TLN2: variants seen among roughly 807,000 people sequenced by gnomAD.
The protein encoded by TLN2 is talin-2.
Under a neutral mutation model 294.7 loss-of-function variants are expected in TLN2, and 118 were observed. The ratio of observed to expected loss-of-function variants is 0.40; its 90% CI spans 0.34 to 0.47. TLN2 has a LOEUF of 0.47. TLN2 is among the 20% of genes least tolerant of loss of function. TLN2 has a pLI of 0.84. For synonymous variants in TLN2, 1,431 were observed against 1,304.5 expected, an observed-to-expected ratio of 1.10 and a Z score of -2.09; for missense variants, 3,083 against 3,282.2, an observed-to-expected ratio of 0.94 and a Z score of 1.48.
chr15:62,706,108 T>C (rs1567409531), intron 19 of TLN2, among the ~76,000 whole-genome samples: 1 of 152,270 alleles, frequency 6.6e-6, no homozygotes, highest in African/African-American at 2.4e-5. Context: ...CTTTATCATC[T>C]GATGAATTAA....
chr15:62,556,578 T>G (rs1007476342), intron 1 of TLN2, among the ~76,000 whole-genome samples: 6 of 152,082 alleles, frequency 3.9e-5, no homozygotes, highest in Non-Finnish European at 5.9e-5. Flanking sequence ...GAATTACAGG[T>G]GTGAGCCACC....
At chr15:62,606,737 T>C (rs1306464514) in intron 2 of TLN2, among the ~76,000 whole-genome samples, 1 of 152,202 alleles carries the variant, frequency 6.6e-6, no homozygotes, top group East Asian at 1.9e-4. Flanking sequence ...GATTTTGAAA[T>C]TGGGCAGACT....
At chr15:62,712,610 C>A (rs1339267326) in intron 22 of TLN2, among the ~76,000 whole-genome samples, 4 of 152,140 alleles carry the variant, frequency 2.6e-5, no homozygotes, top group African/African-American at 9.7e-5. Context: ...GCTTACAAAA[C>A]CTAGTGATTC....
intron 30 of TLN2, 117 bp from the exon 31 acceptor site, chr15:62,739,231 A>G (rs1332933582): frequency 2.4e-5 from 28 of 1,168,408 alleles, no homozygotes; most frequent in Non-Finnish European, 2.9e-5. Flanking sequence ...AGAGCCTTTT[A>G]ATCGTGATGA....
At chr15:62,428,280 C>T (rs914373202) in intron 1 of TLN2, among the ~76,000 whole-genome samples, 4 of 152,118 alleles carry the variant, frequency 2.6e-5, no homozygotes, top group East Asian at 3.9e-4. Flanking sequence ...GCCTTAACAC[C>T]GGTGACAGCT....
intron 2 of TLN2, among the ~76,000 whole-genome samples, chr15:62,612,913 T>C (rs1481065007): frequency 6.6e-6 from 1 of 152,238 alleles, no homozygotes; most frequent in Non-Finnish European, 1.5e-5. Context: ...CCATTATCTT[T>C]GTGGTAGAAC....
At chr15:62,471,632 A>C (rs1254967849) in intron 1 of TLN2, among the ~76,000 whole-genome samples, 2 of 151,966 alleles carry the variant, frequency 1.3e-5, no homozygotes, top group Non-Finnish European at 1.5e-5. Context: ...GGCAAGAACT[A>C]CCCTTTTCTG....
At chr15:62,585,645 G>A (rs543348119) in intron 1 of TLN2, among the ~76,000 whole-genome samples, 1 of 152,172 alleles carries the variant, frequency 6.6e-6, no homozygotes, top group African/African-American at 2.4e-5. Context: ...CATCATGGGA[G>A]CTGCTAAATG....
chr15:62,442,814 T>G (rs746061777), intron 1 of TLN2, among the ~76,000 whole-genome samples: 3 of 152,198 alleles, frequency 2.0e-5, no homozygotes, highest in Non-Finnish European at 4.4e-5. Context: ...AGTTCAGAAG[T>G]CCTAAACTCA....
chr15:62,535,261 C>G (rs1346354773), intron 1 of TLN2, among the ~76,000 whole-genome samples: 3 of 152,134 alleles, frequency 2.0e-5, no homozygotes, highest in African/African-American at 7.2e-5. Flanking sequence ...TGGGGCACTT[C>G]CAAAACTCAG....
At chr15:62,454,859 C>G (rs1473949270) in intron 1 of TLN2, among the ~76,000 whole-genome samples, 2 of 152,064 alleles carry the variant, frequency 1.3e-5, no homozygotes, top group African/African-American at 2.4e-5. Flanking sequence ...GCATTGTTCC[C>G]AAGACCCTCC....
rs141182921 is a variant in TLN2 at position 62,776,838 on chromosome 15, G to A, written c.5442G>A (p.Thr1814=). ...AAGCCGTGGATGACATCATGGTGACGCTGAACGAAGCTGCCAGTGAAGTGG... is the reference window on the plus strand; with the variant it reads ...AAGCCGTGGATGACATCATGGTGACACTGAACGAAGCTGCCAGTGAAGTGG... ...MKEAVDDIMV[T]LNEAASEVGL... is the part of the protein sequence containing the mutation. The change falls in exon 43 of 59, where the codon ACG becomes ACA. Residue 1814 remains threonine, a synonymous_variant. Coordinates refer to ENST00000636159, the MANE Select transcript of TLN2 (RefSeq NM_015059.3). The A allele has an allele frequency of 4.6e-5, 74 of 1,601,462 alleles. No individual in the cohort carries two copies. The East Asian group carries it at 1.0e-3, about 22-fold the overall frequency.
intron 22 of TLN2, among the ~76,000 whole-genome samples, chr15:62,715,439 T>C (rs1397564923): frequency 1.3e-5 from 2 of 152,254 alleles, no homozygotes; most frequent in Non-Finnish European, 2.9e-5. Flanking sequence ...TCTTGATTGC[T>C]ACTGTTATAG....
At chr15:62,539,297 G>A (rs1468943402) in intron 1 of TLN2, among the ~76,000 whole-genome samples, 2 of 152,178 alleles carry the variant, frequency 1.3e-5, no homozygotes, top group Non-Finnish European at 2.9e-5. Context: ...AGTAAATCAT[G>A]TGTGTGCCAA....
At chr15:62,743,914 C>T (rs1332935855) in intron 32 of TLN2, among the ~76,000 whole-genome samples, 2 of 152,198 alleles carry the variant, frequency 1.3e-5, no homozygotes, top group African/African-American at 4.8e-5. Context: ...CACCTGCCCC[C>T]CTGGCTCCCC....
At chr15:62,497,287 A>G (rs997158421) in intron 1 of TLN2, among the ~76,000 whole-genome samples, 4 of 152,192 alleles carry the variant, frequency 2.6e-5, no homozygotes, top group East Asian at 1.9e-4. Context: ...TTCCTCCCCA[A>G]AATATCTGGG....
chr15:62,579,430 G>A (rs2044716663), intron 1 of TLN2, among the ~76,000 whole-genome samples: 1 of 152,170 alleles, frequency 6.6e-6, no homozygotes, highest in Non-Finnish European at 1.5e-5. Context: ...ATGTATACCT[G>A]AGTATCTAAT....
chr15:62,754,001 G>T, intron 36 of TLN2, 85 bp downstream of exon 36: 1 of 1,381,318 alleles, frequency 7.2e-7, no homozygotes, highest in South Asian at 2.0e-5. Context: ...AATTAGTAAA[G>T]AATCTTGTTC....
chr15:62,481,798 CTTTT>C (rs60002079), intron 1 of TLN2, among the ~76,000 whole-genome samples: 9,693 of 115,688 alleles, frequency 0.084, 448 homozygotes, highest in Non-Finnish European at 0.12. Flanking sequence ...TTCTTTCTTT[CTTTT>C]TTTTTTTTTT....
Sources: gnomAD v4.1 joint callset for allele counts (sites outside exome capture counted in the v4.1 genomes callset) on GRCh38, gnomAD v4.1.1 for gene constraint, MANE v1.5 for transcripts, NCBI Gene and HGNC (gene_info 2026-07-23, HGNC 2026-07-21) for gene names.